SPOCK1: variants seen among roughly 807,000 people sequenced by gnomAD.
SPOCK1 encodes testican-1.
Under a neutral mutation model 55.3 loss-of-function variants are expected in SPOCK1, and 23 were observed. That is an observed-to-expected ratio of 0.42 (90% CI 0.30 to 0.59). The LOEUF is 0.59. Ranked by LOEUF, SPOCK1 falls within the 20% of genes least tolerant of loss-of-function variation. SPOCK1 has a pLI of 0.22. For missense variants in SPOCK1, 499 were observed against 552.5 expected, an observed-to-expected ratio of 0.90 and a Z score of 0.97; for synonymous variants, 226 against 221.0, an observed-to-expected ratio of 1.02 and a Z score of -0.20.
At chr5:137,085,560 C>T (rs1027794974) in intron 5 of SPOCK1, among the ~76,000 whole-genome samples, 17 of 152,124 alleles carry the variant, frequency 1.1e-4, no homozygotes, top group African/African-American at 3.9e-4. Flanking sequence ...GGTCTCCACA[C>T]TGGGGAGGAA....
chr5:137,450,948 C>A (rs1319938207), intron 2 of SPOCK1, among the ~76,000 whole-genome samples: 2 of 152,158 alleles, frequency 1.3e-5, no homozygotes, highest in African/African-American at 4.8e-5. Flanking sequence ...AGCTCATCTT[C>A]CCTGCCCACC....
chr5:137,009,935 A>G (rs1230456082), intron 6 of SPOCK1, among the ~76,000 whole-genome samples: 1 of 152,142 alleles, frequency 6.6e-6, no homozygotes, highest in Non-Finnish European at 1.5e-5. Flanking sequence ...TGGAATTTTA[A>G]CAAGGAAGAC....
At chr5:137,301,363 A>C (rs1212812066) in intron 2 of SPOCK1, among the ~76,000 whole-genome samples, 1 of 152,220 alleles carries the variant, frequency 6.6e-6, no homozygotes, top group Non-Finnish European at 1.5e-5. Context: ...TGACAATAAT[A>C]TTTGTGAAAC....
intron 3 of SPOCK1, among the ~76,000 whole-genome samples, chr5:137,164,021 C>G (rs958651201): frequency 1.3e-5 from 2 of 152,118 alleles, no homozygotes; most frequent in African/African-American, 4.8e-5. Context: ...TGCTTATATG[C>G]TGTTAAACTC....
intron 3 of SPOCK1, among the ~76,000 whole-genome samples, chr5:137,162,148 T>C (rs962926744): frequency 2.0e-4 from 30 of 150,774 alleles, no homozygotes; most frequent in African/African-American, 6.6e-4. Context: ...TTTTTTTTTT[T>C]CCTCTTGAGA....
At chr5:137,160,598 AT>A (rs1299892396) in intron 3 of SPOCK1, among the ~76,000 whole-genome samples, 1,289 of 79,526 alleles carry the variant, frequency 0.016, 87 homozygotes, top group African/African-American at 0.06. Context: ...TATATAATAT[AT>A]TATATATAAT....
At chr5:137,281,690 G>A (rs1202407179) in intron 2 of SPOCK1, among the ~76,000 whole-genome samples, 3 of 152,160 alleles carry the variant, frequency 2.0e-5, no homozygotes, top group Non-Finnish European at 4.4e-5. Context: ...TCAAGCATTC[G>A]GGGCTCAGCT....
chr5:137,169,873 G>C (rs1754716206), intron 3 of SPOCK1, among the ~76,000 whole-genome samples: 1 of 152,192 alleles, frequency 6.6e-6, no homozygotes, highest in Non-Finnish European at 1.5e-5. Context: ...AAAATCTCTT[G>C]TCTTTCTCCT....
intron 2 of SPOCK1, among the ~76,000 whole-genome samples, chr5:137,381,996 C>A (rs1303450708): frequency 6.6e-6 from 1 of 152,214 alleles, no homozygotes; most frequent in East Asian, 1.9e-4. Context: ...TTCAGATAAT[C>A]TCTTTCTTCA....
chr5:137,414,542 C>T (rs532888093), intron 2 of SPOCK1, among the ~76,000 whole-genome samples: 5 of 152,164 alleles, frequency 3.3e-5, no homozygotes, highest in Non-Finnish European at 7.3e-5. Flanking sequence ...AATGCTTGCT[C>T]TGTTTACATT....
At chr5:137,145,864 A>C (rs987107468) in intron 3 of SPOCK1, among the ~76,000 whole-genome samples, 8 of 152,194 alleles carry the variant, frequency 5.3e-5, no homozygotes, top group Admixed American at 5.2e-4. Context: ...CAGGGGTAAG[A>C]AAGTTTGTGG....
intron 2 of SPOCK1, among the ~76,000 whole-genome samples, chr5:137,420,850 G>A (rs1279656504): frequency 6.6e-6 from 1 of 152,124 alleles, no homozygotes; most frequent in Non-Finnish European, 1.5e-5. Flanking sequence ...TTTTGAATGT[G>A]TTTGTTCTTG....
At chr5:137,029,714 G>A (rs1751741302) in intron 6 of SPOCK1, among the ~76,000 whole-genome samples, 1 of 152,202 alleles carries the variant, frequency 6.6e-6, no homozygotes, top group Non-Finnish European at 1.5e-5. Context: ...GTACTAGAGG[G>A]CTAGGTATGG....
At chr5:137,234,103 T>C (rs1217004952) in intron 3 of SPOCK1, among the ~76,000 whole-genome samples, 1 of 152,030 alleles carries the variant, frequency 6.6e-6, no homozygotes, top group Non-Finnish European at 1.5e-5. Context: ...CCCAGGTGTC[T>C]CTGGGTAGGG....
chr5:137,323,223 C>T (rs1435644631), intron 2 of SPOCK1, among the ~76,000 whole-genome samples: 1 of 152,046 alleles, frequency 6.6e-6, no homozygotes, highest in Non-Finnish European at 1.5e-5. Flanking sequence ...ATTCCCCAAT[C>T]AAAAGACATA....
At chr5:137,164,368 G>T (rs1171501009) in intron 3 of SPOCK1, among the ~76,000 whole-genome samples, 1 of 152,096 alleles carries the variant, frequency 6.6e-6, no homozygotes, top group Non-Finnish European at 1.5e-5. Context: ...TGTCTTGAGG[G>T]GAAGGACCCA....
chr5:137,459,299 G>A (rs539523572), intron 2 of SPOCK1, among the ~76,000 whole-genome samples: 1 of 152,254 alleles, frequency 6.6e-6, no homozygotes, highest in South Asian at 2.1e-4. Flanking sequence ...CCTGTGACCA[G>A]GTCCACCTAT....
At chr5:137,266,026 A>C (rs1756842654) in intron 3 of SPOCK1, among the ~76,000 whole-genome samples, 1 of 152,228 alleles carries the variant, frequency 6.6e-6, no homozygotes, top group South Asian at 2.1e-4. Context: ...AAATGTATAT[A>C]TGGCAATTTT....
At chr5:137,291,964 A>T (rs1041489267) in intron 2 of SPOCK1, among the ~76,000 whole-genome samples, 2 of 152,210 alleles carry the variant, frequency 1.3e-5, no homozygotes, top group African/African-American at 4.8e-5. Context: ...TATTAGGAAG[A>T]GGCTGGCTTG....
Sources: gnomAD v4.1 joint callset for allele counts (sites outside exome capture counted in the v4.1 genomes callset) on GRCh38, gnomAD v4.1.1 for gene constraint, MANE v1.5 for transcripts, NCBI Gene and HGNC (gene_info 2026-07-23, HGNC 2026-07-21) for gene names.